The following ABCA3 variants were observed in gnomAD, a reference collection of about 807,000 sequenced individuals.
The protein encoded by ABCA3 is ATP binding cassette subfamily A member 3.
In ABCA3, 88 loss-of-function variants were observed where a neutral mutation model predicts 172.8. The observed-to-expected ratio is 0.51, with a 90% CI of 0.43 to 0.61. The LOEUF (loss-of-function observed/expected upper bound fraction) is 0.61. Ranked by LOEUF, ABCA3 falls within the 20% of genes least tolerant of loss-of-function variation. ABCA3 has a pLI of 0.00. For synonymous variants in ABCA3, 1,066 were observed against 983.8 expected (o/e 1.08, Z -1.56); for missense variants, 2,164 against 2,301.0 (o/e 0.94, Z 1.22).
intron 1 of ABCA3, among the ~76,000 whole-genome samples, chr16:2,333,985 C>T (rs1596872360): frequency 6.6e-6 from 1 of 152,340 alleles, no homozygotes; most frequent in African/African-American, 2.4e-5. Context: ...AGCCACCACG[C>T]CTGGCCGATG....
Position 2,289,638 on chromosome 16 carries a change from G to T in ABCA3, c.2514-18C>A. ...TCCCGACCCTGTGCCGATACACACA[G>T]GGACCGGTCAGGACCCAGCTCCCCG... On this transcript the variant is annotated intron_variant, in intron 19 of 32. Transcript: ENST00000301732. The T allele has an allele frequency of 6.5e-7, 1 of 1,546,906 alleles. No individual in the cohort carries two copies.
intron 12 of ABCA3, among the ~76,000 whole-genome samples, chr16:2,303,760 A>T (rs962311713): frequency 6.6e-6 from 1 of 151,722 alleles, no homozygotes; most frequent in African/African-American, 2.4e-5. Flanking sequence ...CGGAAGGATT[A>T]CTCTTGGGCA....
chr16:2,312,811 C>T (rs1213298045), intron 10 of ABCA3, among the ~76,000 whole-genome samples: 1 of 151,942 alleles, frequency 6.6e-6, no homozygotes, highest in Non-Finnish European at 1.5e-5. Flanking sequence ...GGATTACAGG[C>T]ATGAGCCACC....
At chr16:2,336,548 C>T (rs930018485) in intron 1 of ABCA3, among the ~76,000 whole-genome samples, 6 of 151,500 alleles carry the variant, frequency 4.0e-5, no homozygotes, top group African/African-American at 7.3e-5. Context: ...CTCCTGCCTC[C>T]GCCTCCTGAG....
chr16:2,314,330 T>A (rs1288952273), intron 10 of ABCA3, among the ~76,000 whole-genome samples: 1 of 151,912 alleles, frequency 6.6e-6, no homozygotes, highest in African/African-American at 2.4e-5. Flanking sequence ...AGATGAACCT[T>A]GGGGATGCTA....
chr16:2,309,883 G>A (rs1555489124), intron 10 of ABCA3, among the ~76,000 whole-genome samples: 1 of 152,146 alleles, frequency 6.6e-6, no homozygotes, highest in Non-Finnish European at 1.5e-5. Flanking sequence ...GCCTCCCAAA[G>A]TGTTGGGATT....
rs45501400 is a variant in ABCA3, at chr16:2,340,564, G to T, written c.-539+9C>A. 0.019 allele frequency: 2,853 copies of T among 148,860 alleles called. 46 individuals are homozygous for T. Among genetic ancestry groups the T allele is most frequent in the Non-Finnish European group, 0.029 (1,932 of 66,512 alleles). The allele number at this position is 148,860 out of a possible 1,614,324, so 9.2% of individuals were successfully genotyped here. A position where few individuals can be genotyped will look rare whatever the true frequency, so the allele number is the denominator to read the frequency against. On this transcript the variant is annotated intron_variant, in intron 1 of 32. Transcript: ENST00000301732. ...GAGCGCGCGAGCGGCGGGTCCCGGC[G>T]GCACTCACCGAGCCTGGGCGCCGGG...
intron 10 of ABCA3, among the ~76,000 whole-genome samples, chr16:2,312,704 G>T (rs2093708480): frequency 6.6e-6 from 1 of 151,716 alleles, no homozygotes; most frequent in Admixed American, 6.6e-5. Context: ...AATTTTTTTT[G>T]TATTTTTAGT....
intron 12 of ABCA3, among the ~76,000 whole-genome samples, chr16:2,300,624 A>G (rs1049988568): frequency 6.6e-6 from 1 of 152,164 alleles, no homozygotes; most frequent in African/African-American, 2.4e-5. Flanking sequence ...GCCTCTTCCC[A>G]TCTTCTCTGT....
At chr16:2,337,994 A>T (rs2093754565) in intron 1 of ABCA3, among the ~76,000 whole-genome samples, 1 of 152,112 alleles carries the variant, frequency 6.6e-6, no homozygotes, top group Non-Finnish European at 1.5e-5. Flanking sequence ...ACTTCCACAA[A>T]ATCTCTGCTA....
rs1038868525 is a variant in ABCA3 at position 2,326,233 on chromosome 16, T to C, written c.96A>G (p.Pro32=). Reference sequence around the variant, plus strand: ...AGATGAGGATCCCAGAAAACAGCAATGGCAGGAAGAGTTCCAGGACCGTCA... The same window carrying C: ...AGATGAGGATCCCAGAAAACAGCAACGGCAGGAAGAGTTCCAGGACCGTCA... The part of the protein sequence containing the change: ...VLVTVLELFL[P]LLFSGILIWL... Residue 32 remains proline (P), a synonymous_variant, in exon 5 of 33, where the codon CCA becomes CCG. Transcript: ENST00000301732. The C allele has an allele frequency of 5.6e-6, 9 of 1,613,746 alleles. No individual in the cohort carries two copies. The highest frequency in any genetic ancestry group is 2.7e-5 in the African/African-American group (2 of 74,904).
intron 12 of ABCA3, among the ~76,000 whole-genome samples, chr16:2,300,958 C>T (rs375231277): frequency 0.016 from 2,473 of 150,206 alleles, 32 homozygotes; most frequent in Middle Eastern, 0.089. Context: ...TGGCTGGGCA[C>T]GGTGGCTCGA....
At chr16:2,334,289 G>A (rs1188779178) in intron 1 of ABCA3, among the ~76,000 whole-genome samples, 2 of 152,092 alleles carry the variant, frequency 1.3e-5, no homozygotes, top group South Asian at 2.1e-4. Context: ...CAGAGAATGA[G>A]CCAGGAAAGG....
At chr16:2,330,209 C>T (rs1379259248) in intron 1 of ABCA3, among the ~76,000 whole-genome samples, 2 of 148,354 alleles carry the variant, frequency 1.3e-5, no homozygotes, top group Non-Finnish European at 3.0e-5. Context: ...GGGAGGATTG[C>T]TTGAACCCAG....
chr16:2,277,531 A>C lies in ABCA3; in HGVS notation c.4983+66T>G. The C allele has an allele frequency of 6.6e-7, 1 of 1,521,304 alleles. No homozygotes were observed. Among genetic ancestry groups the C allele is most frequent in the Non-Finnish European group, 9.1e-7 (1 of 1,102,256 alleles). 94.2% of individuals were successfully genotyped at this position (1,521,304 alleles called of 1,614,324 possible). A position where few individuals can be genotyped will look rare whatever the true frequency, so the allele number is the denominator to read the frequency against. ...AAGAGCCTGCAGTCACCACAGAGGG[A>C]GAGACCCCTGGAGGGACCTCCCCCT... is the stretch of plus-strand genomic sequence containing the variant. On this transcript the variant is annotated intron_variant, in intron 32 of 32. Transcript: ENST00000301732. The surrounding 1 kb of genome is among the most constrained non-coding windows in gnomAD (Gnocchi z 5.3).
At chr16:2,319,057 G>C (rs1273275451) in intron 8 of ABCA3, among the ~76,000 whole-genome samples, 3 of 152,082 alleles carry the variant, frequency 2.0e-5, no homozygotes, top group African/African-American at 4.8e-5. Context: ...TGAACAACTG[G>C]GCAGCCTCAA....
intron 1 of ABCA3, among the ~76,000 whole-genome samples, chr16:2,335,518 C>G (rs1054215866): frequency 6.6e-6 from 1 of 152,120 alleles, no homozygotes; most frequent in East Asian, 1.9e-4. Context: ...GATCCTCTTG[C>G]CTCAGCCTCC....
chr16:2,288,118 G>A lies in ABCA3; in HGVS notation c.2912C>T (p.Ser971Leu), dbSNP rs1242075481. The A allele has an allele frequency of 6.2e-7, 1 of 1,613,566 alleles. No homozygotes were observed. Among genetic ancestry groups the A allele is most frequent in the East Asian group, 2.2e-5 (1 of 44,852 alleles). Residue 971 changes from serine (S) to leucine (L), a missense_variant, in exon 21 of 33, where the codon TCA becomes TTA. Transcript: ENST00000301732. The part of the protein sequence containing the change: ...GEYGRTVVPF[S>L]VPGTSQLGQQ... ...ACCCAGCTGGGAGGTCCCGGGAACT[G>A]AGAAGGGCACGACGGTTCTGCCGTA... is the stretch of plus-strand genomic sequence containing the variant.
chr16:2,307,006 GAC>G (rs2093698815), intron 11 of ABCA3, among the ~76,000 whole-genome samples: 1 of 108,374 alleles, frequency 9.2e-6, no homozygotes. Flanking sequence ...AAGAGTGAGA[GAC>G]TCCGTCTCAA....
Sources: gnomAD v4.1 joint callset for allele counts (sites outside exome capture counted in the v4.1 genomes callset) on GRCh38, gnomAD v4.1.1 for gene constraint, Gnocchi (gnomAD v3.1) non-coding constraint, MANE v1.5 for transcripts, NCBI Gene and HGNC (gene_info 2026-07-23, HGNC 2026-07-21) for gene names.